The following SYNE1 variants were observed in gnomAD, a reference collection of about 807,000 sequenced individuals.
SYNE1 encodes the protein nesprin-1.
A neutral mutation model predicts 1,111.0 loss-of-function variants in SYNE1; 616 were observed. The ratio of observed to expected loss-of-function variants is 0.55; its 90% CI spans 0.52 to 0.59. SYNE1 has a LOEUF of 0.59. Among genes scored for constraint, SYNE1 ranks in the 20% least tolerant of loss-of-function variants. The pLI, the probability that SYNE1 is intolerant of heterozygous loss-of-function variation, is 0.00. For synonymous variants in SYNE1, 3,855 were observed against 3,825.8 expected, an observed-to-expected ratio of 1.01 and a Z score of -0.28; for missense variants, 10,006 against 10,417.0, an observed-to-expected ratio of 0.96 and a Z score of 1.72.
intron 16 of SYNE1, among the ~76,000 whole-genome samples, chr6:152,467,226 T>G (rs1331892294): frequency 6.6e-6 from 1 of 152,118 alleles, no homozygotes; most frequent in Admixed American, 6.5e-5. Context: ...CTACATTCAA[T>G]AACTTTAATT....
intron 56 of SYNE1, 24 bp downstream of exon 56, chr6:152,380,982 A>G (rs2097403702): frequency 6.2e-7 from 1 of 1,609,564 alleles, no homozygotes; most frequent in Non-Finnish European, 8.5e-7. Flanking sequence ...ATAACCACCA[A>G]TAGAAAACAG....
At chr6:152,176,103 C>G (rs772741787) in intron 130 of SYNE1, among the ~76,000 whole-genome samples, 2 of 151,858 alleles carry the variant, frequency 1.3e-5, no homozygotes, top group Non-Finnish European at 2.9e-5. Context: ...TTTGAATACC[C>G]ATGAAGCCCT....
In SYNE1 at chr6:152,359,423, C is replaced by A. The variant is rs1268894031; in HGVS notation, c.10335G>T (p.Leu3445Phe). The A allele has an allele frequency of 1.2e-6, 2 of 1,614,208 alleles. No homozygotes were observed. Among genetic ancestry groups the A allele is most frequent in the Non-Finnish European group, 1.7e-6 (2 of 1,180,048 alleles). ...CCCCTTTGACTTCGATGGTCTCCAG[C>A]AAGCTGCTGTAACTCAGCACTTCTT... is the stretch of plus-strand genomic sequence containing the variant. ...LNEEVLSYSSLLETIEVKGAG... is the reference protein window; with the variant it reads ...LNEEVLSYSSFLETIEVKGAG... The change falls in exon 65 of 146, where the codon TTG becomes TTT. Residue 3445 changes from leucine to phenylalanine, a missense_variant. Coordinates refer to ENST00000367255, the MANE Select transcript of SYNE1 (RefSeq NM_182961.4).
chr6:152,559,275 T>A lies in SYNE1; in HGVS notation c.68-19254A>T, dbSNP rs546655228. On this transcript the variant is annotated intron_variant, in intron 3 of 145. Transcript: ENST00000367255. The stretch of plus-strand genomic sequence containing the variant: ...ACAATGCCCAGCTAATGTTTTAAAA[T>A]TTTTTTGTAGAGACAGGGTCTCACT... 2.6e-5 allele frequency among the ~76,000 whole-genome samples: 4 copies of A among 151,854 alleles called. No individual in the cohort carries two copies. The East Asian group carries it at 7.8e-4, about 30-fold the overall frequency.
chr6:152,605,061 G>GAAA (rs1414121204), intron 3 of SYNE1, among the ~76,000 whole-genome samples: 5 of 70,304 alleles, frequency 7.1e-5, no homozygotes, highest in Non-Finnish European at 1.3e-4. Context: ...AGGGAGGGAG[G>GAAA]GAGGGAGGGA....
intron 126 of SYNE1, among the ~76,000 whole-genome samples, chr6:152,202,192 CA>C (rs1180534348): frequency 6.6e-6 from 1 of 151,608 alleles, no homozygotes; most frequent in African/African-American, 2.4e-5. Context: ...ACTAAAAACA[CA>C]AAAATTAGCC....
chr6:152,324,252 A>G (rs2095977550), intron 81 of SYNE1, among the ~76,000 whole-genome samples: 1 of 151,914 alleles, frequency 6.6e-6, no homozygotes, highest in East Asian at 1.9e-4. Context: ...TACAAAAATT[A>G]ACCAGGTGTG....
At chr6:152,394,905 C>T (rs1039825588) in intron 51 of SYNE1, among the ~76,000 whole-genome samples, 1 of 151,248 alleles carries the variant, frequency 6.6e-6, no homozygotes, top group Non-Finnish European at 1.5e-5. Context: ...GCCTCAGCCT[C>T]CCGGGTAGCT....
In SYNE1 at chr6:152,234,672, A is replaced by G; in HGVS notation, c.20525T>C (p.Phe6842Ser). 1 of 1,614,218 alleles carries G rather than the reference A, an allele frequency of 6.2e-7. No homozygotes were observed. The highest frequency in any genetic ancestry group is 8.5e-7 in the Non-Finnish European group (1 of 1,180,044). ...LEMVRDHLNA[F>S]LEFSKEVDAQ... ...GCTTTAGATTCTTAGACTTACCAGG[A>G]AAGCATTTAGATGATCACGGACCAT... Residue 6842 changes from phenylalanine to serine, a missense_variant, in exon 111 of 146, where the codon TTC (phenylalanine) becomes TCC (serine). Physicochemically the swap from Phe to Ser is radical, Grantham distance 155. Coordinates refer to ENST00000367255, the MANE Select transcript of SYNE1 (RefSeq NM_182961.4).
chr6:152,273,123 C>A (rs2093333408), intron 98 of SYNE1, among the ~76,000 whole-genome samples: 1 of 152,160 alleles, frequency 6.6e-6, no homozygotes, highest in African/African-American at 2.4e-5. Context: ...TAAAACACTA[C>A]CACATTTTTC....
intron 100 of SYNE1, among the ~76,000 whole-genome samples, chr6:152,263,235 C>T (rs1022875403): frequency 1.3e-5 from 2 of 151,644 alleles, no homozygotes; most frequent in Non-Finnish European, 2.9e-5. Context: ...CGTATAGAGC[C>T]TGGGAAGGTA....
intron 34 of SYNE1, among the ~76,000 whole-genome samples, chr6:152,432,146 T>A (rs1379275510): frequency 6.6e-6 from 1 of 152,166 alleles, no homozygotes; most frequent in Non-Finnish European, 1.5e-5. Flanking sequence ...TATGTTCTTA[T>A]CATTTATCAA....
intron 21 of SYNE1, among the ~76,000 whole-genome samples, chr6:152,459,456 T>C (rs2098718558): frequency 6.6e-6 from 1 of 152,196 alleles, no homozygotes; most frequent in Non-Finnish European, 1.5e-5. Context: ...ACCAGCTCCA[T>C]GCTTTGCTGC....
chr6:152,524,809 C>A (rs1042247996), intron 5 of SYNE1, among the ~76,000 whole-genome samples: 2 of 152,138 alleles, frequency 1.3e-5, no homozygotes, highest in Non-Finnish European at 2.9e-5. Flanking sequence ...TCTATGGGAA[C>A]TCTATAAGAC....
At chr6:152,587,125 A>T (rs540378759) in intron 3 of SYNE1, among the ~76,000 whole-genome samples, 48 of 151,754 alleles carry the variant, frequency 3.2e-4, no homozygotes, top group African/African-American at 1.1e-3. Context: ...GATGTCTTTC[A>T]CTTGATCTGA....
chr6:152,310,658 T>C (rs2095519353), intron 88 of SYNE1, 30 bp downstream of exon 88: 8 of 1,610,742 alleles, frequency 5.0e-6, no homozygotes, highest in Non-Finnish European at 6.8e-6. Flanking sequence ...TAGACATTTT[T>C]TTCTGTTTCT....
intron 3 of SYNE1, among the ~76,000 whole-genome samples, chr6:152,586,138 G>C (rs1186145815): frequency 1.3e-5 from 2 of 152,034 alleles, no homozygotes; most frequent in African/African-American, 4.8e-5. Context: ...ATATCTAATA[G>C]AATTAGGTTT....
chr6:152,224,959 G>GTATACACATATATATGTATA (rs1554233534), intron 116 of SYNE1, among the ~76,000 whole-genome samples: 3 of 145,334 alleles, frequency 2.1e-5, no homozygotes, highest in African/African-American at 7.6e-5. Context: ...ATATATATGT[G>GTATACACATATATATGTATA]TATATATATA....
At chr6:152,352,403 T>G (rs776864298) in intron 69 of SYNE1, 50 bp from the exon 70 acceptor site, 1 of 1,521,256 alleles carries the variant, frequency 6.6e-7, no homozygotes, top group Admixed American at 2.1e-5. Context: ...TCTTTTCTTT[T>G]CTTTCTTTTT....
Sources: gnomAD v4.1 joint callset for allele counts (sites outside exome capture counted in the v4.1 genomes callset) on GRCh38, gnomAD v4.1.1 for gene constraint, MANE v1.5 for transcripts, NCBI Gene and HGNC (gene_info 2026-07-23, HGNC 2026-07-21) for gene names.